DAAM2: variants seen among roughly 807,000 people sequenced by gnomAD.
DAAM2 encodes disheveled-associated activator of morphogenesis 2.
In DAAM2, 39 loss-of-function variants were observed where a neutral mutation model predicts 120.7. The ratio of observed to expected loss-of-function variants is 0.32; its 90% confidence interval spans 0.25 to 0.42. The LOEUF is 0.42. Ranked by LOEUF, DAAM2 falls within the 10% of genes least tolerant of loss-of-function variation. The pLI is 1.00. For synonymous variants in DAAM2, 488 were observed against 524.9 expected (o/e 0.93, Z 0.96); for missense variants, 1,283 against 1,401.7 (o/e 0.92, Z 1.35).
At chr6:39,867,407 T>G (rs1582700941) in intron 5 of DAAM2, 103 bp from the exon 6 acceptor site, 12 of 1,071,320 alleles carry the variant, frequency 1.1e-5, no homozygotes, top group South Asian at 1.5e-5. Context: ...CTACTGTAGG[T>G]GGGACAAGGT....
At chr6:39,822,086 G>C (rs1214681340) in intron 1 of DAAM2, 1 of 152,526 alleles carries the variant, frequency 6.6e-6, no homozygotes, top group African/African-American at 2.4e-5. Flanking sequence ...CGCTGCCTGG[G>C]GGGAGGCCCA....
intron 1 of DAAM2, among the ~76,000 whole-genome samples, chr6:39,852,628 C>T (rs1371148177): frequency 6.6e-6 from 1 of 152,212 alleles, no homozygotes; most frequent in African/African-American, 2.4e-5. Context: ...CAGTGTGCTC[C>T]AAGCATTTCA....
Position 39,879,085 on chromosome 6 carries a change from G to C in DAAM2, c.1546-93G>C, listed in dbSNP as rs1444449169. On this transcript the variant is annotated intron_variant, in intron 13 of 24. Transcript: ENST00000274867. ...AGGGTAGGATTTGGGGCCTAGTATAGAAAGAAACTAGAAGGAGAGGAATCA... is the reference window on the plus strand; with the variant it reads ...AGGGTAGGATTTGGGGCCTAGTATACAAAGAAACTAGAAGGAGAGGAATCA... The C allele has an allele frequency of 4.8e-6, 4 of 840,666 alleles. No homozygotes were observed. The East Asian group carries it at 1.1e-4, about 23-fold the overall frequency. 52.1% of individuals were successfully genotyped at this position (840,666 alleles called of 1,614,324 possible).
Position 39,856,307 on chromosome 6 carries a change from C to A in DAAM2, c.5C>A (p.Ala2Asp). 1.3e-6 allele frequency: 2 copies of A among 1,528,816 alleles called. No individual in the cohort carries two copies. The highest frequency in any genetic ancestry group is 1.3e-5 in the South Asian group (1 of 78,192). 94.7% of individuals were successfully genotyped at this position (1,528,816 alleles called of 1,614,324 possible). ...GCCCCCTGGCCTGCAGTGACCATGG[C>A]CCCCCGCAAGAGGAGCCACCATGGC... The part of the protein sequence containing the change: M[A>D]PRKRSHHGLG... Residue 2 changes from alanine to aspartate, a missense_variant, in exon 2 of 25, where the codon GCC becomes GAC. Ala to Asp is a moderately radical substitution (Grantham distance 126). Transcript: ENST00000274867.
chr6:39,844,325 GC>G (rs1192942743), intron 1 of DAAM2, among the ~76,000 whole-genome samples: 1 of 152,000 alleles, frequency 6.6e-6, no homozygotes, highest in African/African-American at 2.4e-5. Context: ...GGGGAGGTAT[GC>G]CCCATTGTAA....
chr6:39,805,456 G>T (rs1761981681), intron 1 of DAAM2, among the ~76,000 whole-genome samples: 1 of 152,076 alleles, frequency 6.6e-6, no homozygotes, highest in African/African-American at 2.4e-5. Context: ...TGGAATGCTA[G>T]GTATTATACT....
rs1766494649 is a variant in DAAM2 at position 39,901,694 on chromosome 6, C to G, written c.2983-119C>G. ...TGTCCTAGGCAGGAAGAAAGTGGGG[C>G]CAACAGATACAGGCAGGCAGCATGA... On this transcript the variant is annotated intron_variant, in intron 24 of 24. Transcript: ENST00000274867. This position sits in a 1 kb window ranked among gnomAD's most constrained non-coding sequence, Gnocchi z 4.5. The G allele has an allele frequency of 9.4e-7, 1 of 1,060,108 alleles. No individual in the cohort carries two copies. Among genetic ancestry groups the G allele is most frequent in the Admixed American group, 2.9e-5 (1 of 34,278 alleles). 65.7% of individuals were successfully genotyped at this position (1,060,108 alleles called of 1,614,324 possible).
intron 1 of DAAM2, among the ~76,000 whole-genome samples, chr6:39,838,502 C>G (rs1763194804): frequency 6.6e-6 from 1 of 152,054 alleles, no homozygotes; most frequent in South Asian, 2.1e-4. Context: ...TTGGTCGAGG[C>G]CTTGCCTGAC....
intron 3 of DAAM2, among the ~76,000 whole-genome samples, chr6:39,863,673 G>T (rs913643159): frequency 3.9e-5 from 6 of 152,136 alleles, no homozygotes; most frequent in Non-Finnish European, 8.8e-5. Context: ...GAGAAGGCTG[G>T]ATTTTCAGTC....
chr6:39,881,440 C>T (rs755877767), intron 14 of DAAM2, among the ~76,000 whole-genome samples: 10 of 152,314 alleles, frequency 6.6e-5, no homozygotes, highest in South Asian at 2.1e-4. Context: ...AGATTGTAGC[C>T]GGGTGCGGTG....
At position 39,868,594 on chromosome 6, in the gene DAAM2, C is replaced by T. The variant is rs867848066; in HGVS notation, c.763-229C>T. The T allele has an allele frequency of 5.7e-5, 31 of 547,042 alleles. No individual in the cohort carries two copies. In the Middle Eastern group the frequency reaches 1.5e-3, roughly 26 times the overall value. The allele number at this position is 547,042 out of a possible 1,614,324, so 33.9% of individuals were successfully genotyped here. ...AACCATGTAGACCAAGCCCCAAAGG[C>T]TGAGTGGAGAGGAAGTGAGGCAGCA... On this transcript the variant is annotated intron_variant, in intron 6 of 24. Transcript: ENST00000274867.
chr6:39,795,911 T>C (rs1193531163), intron 1 of DAAM2, among the ~76,000 whole-genome samples: 1 of 144,542 alleles, frequency 6.9e-6, no homozygotes, highest in Non-Finnish European at 1.5e-5. Context: ...ATAAGTATGG[T>C]GGGGAGGGGA....
chr6:39,856,114 G>C, intron 1 of DAAM2, 133 bp from the exon 2 acceptor site: 1 of 1,226,160 alleles, frequency 8.2e-7, no homozygotes, highest in Non-Finnish European at 1.0e-6. Context: ...CGACAGCGGG[G>C]TGGGTGGGGC....
intron 1 of DAAM2, among the ~76,000 whole-genome samples, chr6:39,851,283 T>G (rs1323027174): frequency 6.6e-6 from 1 of 152,236 alleles, no homozygotes; most frequent in Non-Finnish European, 1.5e-5. Flanking sequence ...AGTCCTGGGT[T>G]TGAATCCTAG....
chr6:39,809,043 GA>G (rs537777807), intron 1 of DAAM2, among the ~76,000 whole-genome samples: 328 of 152,334 alleles, frequency 2.2e-3, no homozygotes, highest in Admixed American at 3.5e-3. Flanking sequence ...AGTTTAATGA[GA>G]AGGCTATTTA....
chr6:39,851,368 T>A lies in DAAM2; in HGVS notation c.-56-4879T>A, dbSNP rs181634110. 1.4e-3 allele frequency among the ~76,000 whole-genome samples: 212 copies of A among 152,286 alleles called. 3 individuals carry two copies. In the East Asian group the frequency reaches 0.039, roughly 28 times the overall value. On this transcript the variant is annotated intron_variant, in intron 1 of 24. Coordinates refer to ENST00000274867, the MANE Select transcript of DAAM2 (RefSeq NM_001201427.2). ...TGAACCACAGTTTTTGTGGCTTTTG[T>A]TTTTGTTGTTGCATTTTTGGTTTTT... is the stretch of plus-strand genomic sequence containing the variant.
At chr6:39,867,305 TAC>T (rs1183711896) in intron 5 of DAAM2, 6 of 587,566 alleles carry the variant, frequency 1.0e-5, no homozygotes, top group Admixed American at 3.0e-5. Context: ...GATATGCAAA[TAC>T]AGAGTATTTA....
intron 21 of DAAM2, among the ~76,000 whole-genome samples, chr6:39,898,295 C>T (rs142727685): frequency 2.6e-4 from 39 of 152,342 alleles, no homozygotes; most frequent in African/African-American, 9.1e-4. Flanking sequence ...CAGGGAATAA[C>T]TCTCTGGCCA....
Position 39,891,400 on chromosome 6 carries a change from A to C in DAAM2, c.2205A>C (p.Glu735Asp), listed in dbSNP as rs1169990453. ...DIDLLEEHKH[E>D]IERMARADRF... The stretch of plus-strand genomic sequence containing the variant: ...ACCTCCTGGAGGAGCACAAGCATGA[A>C]ATTGAGCGGATGGCCCGTGCTGACC... Residue 735 changes from glutamate to aspartate, a missense_variant, in exon 18 of 25, where the codon GAA becomes GAC. Physicochemically the swap from Glu to Asp is conservative, Grantham distance 45. This residue lies in a region of DAAM2 where 748 missense variants were observed against 768.6 expected (regional missense o/e 0.97). Transcript: ENST00000274867. 1 of 1,611,512 alleles carries C rather than the reference A, an allele frequency of 6.2e-7. No homozygotes were observed. Among genetic ancestry groups the C allele is most frequent in the African/African-American group, 1.3e-5 (1 of 74,868 alleles).
Sources: gnomAD v4.1 joint callset for allele counts (sites outside exome capture counted in the v4.1 genomes callset) on GRCh38, gnomAD v4.1.1 for gene constraint, gnomAD v4.1.1 regional missense constraint, Gnocchi (gnomAD v3.1) non-coding constraint, MANE v1.5 for transcripts, NCBI Gene and HGNC (gene_info 2026-07-23, HGNC 2026-07-21) for gene names.